CACNA2D1: variants seen among roughly 807,000 people sequenced by gnomAD.
CACNA2D1 encodes the protein voltage-dependent calcium channel subunit alpha-2/delta-1.
In CACNA2D1, 53 loss-of-function variants were observed where a neutral mutation model predicts 171.5. The ratio of observed to expected loss-of-function variants is 0.31; its 90% CI spans 0.25 to 0.39. The LOEUF (loss-of-function observed/expected upper bound fraction) is 0.39. Ranked by LOEUF, CACNA2D1 falls within the 10% of genes least tolerant of loss-of-function variation. The pLI, the probability that CACNA2D1 is intolerant of heterozygous loss-of-function variation, is 1.00. For missense variants in CACNA2D1, 903 were observed against 1,299.8 expected (o/e 0.69, Z 4.69); for synonymous variants, 442 against 443.1 (o/e 1.00, Z 0.03).
chr7:82,081,475 A>G (rs1809764887), intron 7 of CACNA2D1, among the ~76,000 whole-genome samples: 1 of 152,204 alleles, frequency 6.6e-6, no homozygotes, highest in Admixed American at 6.5e-5. Context: ...TAACAGATTC[A>G]CTAAACTAAA....
intron 11 of CACNA2D1, among the ~76,000 whole-genome samples, chr7:82,036,590 A>G (rs934441729): frequency 6.6e-6 from 1 of 152,134 alleles, no homozygotes; most frequent in Non-Finnish European, 1.5e-5. Context: ...AATATCCTGT[A>G]ATGGCACTTG....
At chr7:81,980,264 CTT>C (rs997555159) in intron 24 of CACNA2D1, among the ~76,000 whole-genome samples, 2 of 133,048 alleles carry the variant, frequency 1.5e-5, no homozygotes, top group African/African-American at 5.6e-5. Context: ...GGTAGGGAAA[CTT>C]TCCCTGACAG....
chr7:82,097,207 A>C (rs912801575), intron 6 of CACNA2D1, among the ~76,000 whole-genome samples: 7 of 152,186 alleles, frequency 4.6e-5, no homozygotes, highest in Non-Finnish European at 1.0e-4. Context: ...ATGGATGAGG[A>C]ATGTGGGGCA....
At chr7:82,194,693 G>T (rs1334861821) in intron 3 of CACNA2D1, among the ~76,000 whole-genome samples, 2 of 151,888 alleles carry the variant, frequency 1.3e-5, no homozygotes, top group Non-Finnish European at 1.5e-5. Context: ...CAGATTTGGG[G>T]AAAGGGCAGC....
At chr7:81,991,882 T>C (rs1441225060) in intron 20 of CACNA2D1, among the ~76,000 whole-genome samples, 2 of 151,796 alleles carry the variant, frequency 1.3e-5, no homozygotes, top group African/African-American at 4.8e-5. Flanking sequence ...TCACCCAGGC[T>C]GGAGTGCAGC....
At chr7:81,977,835 T>C (rs1394356810) in intron 24 of CACNA2D1, among the ~76,000 whole-genome samples, 1 of 152,114 alleles carries the variant, frequency 6.6e-6, no homozygotes, top group Non-Finnish European at 1.5e-5. Flanking sequence ...TTTTGCAATC[T>C]ATCCATCTGA....
At chr7:82,062,184 C>A (rs1256277033) in intron 9 of CACNA2D1, among the ~76,000 whole-genome samples, 1 of 152,070 alleles carries the variant, frequency 6.6e-6, no homozygotes, top group East Asian at 1.9e-4. Context: ...TGGCCCACAC[C>A]CAGGAATGAG....
intron 38 of CACNA2D1, among the ~76,000 whole-genome samples, chr7:81,951,974 T>TTTTTTGTTTGTTTGTTTG (rs1792611357): frequency 6.8e-6 from 1 of 147,632 alleles, no homozygotes; most frequent in African/African-American, 2.5e-5. Context: ...AAAGTGTTTT[T>TTTTTTGTTTGTTTGTTTG]TTTTTTTTTT....
chr7:82,185,522 A>AGGGGGGGGGGGG (rs1797627735), intron 3 of CACNA2D1, among the ~76,000 whole-genome samples: 1 of 13,788 alleles, frequency 7.3e-5, no homozygotes, highest in Non-Finnish European at 1.3e-4. Context: ...GAGGAGGGGG[A>AGGGGGGGGGGGG]GGAGGAGGAG....
chr7:82,326,119 G>A (rs192714668), intron 3 of CACNA2D1, among the ~76,000 whole-genome samples: 1 of 152,074 alleles, frequency 6.6e-6, no homozygotes, highest in Admixed American at 6.5e-5. Flanking sequence ...CTCTGAACTG[G>A]GATAATTAGG....
chr7:81,971,175 C>A, intron 26 of CACNA2D1: 1 of 201,368 alleles, frequency 5.0e-6, no homozygotes. Context: ...TAGAGAGCTT[C>A]ACCTGTATCT....
In CACNA2D1 at chr7:82,080,732, C is replaced by G. The variant is rs1323024574; in HGVS notation, c.658+4037G>C. Among the ~76,000 whole-genome samples, 3 of 152,162 alleles carry G rather than the reference C, an allele frequency of 2.0e-5. No individual in the cohort carries two copies. The East Asian group carries it at 5.8e-4, about 29-fold the overall frequency. On this transcript the variant is annotated intron_variant, in intron 7 of 38. Coordinates refer to ENST00000356860, the MANE Select transcript of CACNA2D1 (RefSeq NM_000722.4). ...CCATCAGCTACAATCCGTCTCCTGA[C>G]CAGTTTCACTACGTGGTGTTATTGC...
intron 3 of CACNA2D1, among the ~76,000 whole-genome samples, chr7:82,267,061 T>C (rs2129342623): frequency 6.6e-6 from 1 of 152,332 alleles, no homozygotes; most frequent in South Asian, 2.1e-4. Context: ...AGCACTTGCC[T>C]AGAAGTTTTC....
At chr7:81,955,881 C>CATAA (rs1230389863) in intron 38 of CACNA2D1, among the ~76,000 whole-genome samples, 1 of 99,020 alleles carries the variant, frequency 1.0e-5, no homozygotes, top group Non-Finnish European at 1.8e-5. Context: ...AGGAAAGTAC[C>CATAA]ATAATAGGAA....
chr7:82,069,573 AT>A (rs1452657643), intron 7 of CACNA2D1, among the ~76,000 whole-genome samples: 1 of 152,144 alleles, frequency 6.6e-6, no homozygotes, highest in Non-Finnish European at 1.5e-5. Context: ...GTGTTATCAA[AT>A]TGTTGATTTA....
At chr7:82,400,866 A>G (rs1826318215) in intron 1 of CACNA2D1, among the ~76,000 whole-genome samples, 1 of 151,976 alleles carries the variant, frequency 6.6e-6, no homozygotes, top group Non-Finnish European at 1.5e-5. Flanking sequence ...CAAGAAAAAA[A>G]CAAACAACCC....
At chr7:82,158,528 T>C (rs1794605570) in intron 4 of CACNA2D1, among the ~76,000 whole-genome samples, 1 of 151,956 alleles carries the variant, frequency 6.6e-6, no homozygotes, top group South Asian at 2.1e-4. Flanking sequence ...GTTATGTTTG[T>C]TTAGCTCACA....
chr7:82,401,292 A>T (rs1161291194), intron 1 of CACNA2D1, among the ~76,000 whole-genome samples: 9 of 151,852 alleles, frequency 5.9e-5, no homozygotes, highest in Non-Finnish European at 1.2e-4. Context: ...AATAGCAAAG[A>T]CTTGGAACCA....
chr7:82,295,668 T>G (rs1812181688), intron 3 of CACNA2D1, among the ~76,000 whole-genome samples: 1 of 151,904 alleles, frequency 6.6e-6, no homozygotes, highest in Non-Finnish European at 1.5e-5. Flanking sequence ...TGATTTATAG[T>G]GTATAAACAT....
Sources: allele counts gnomAD v4.1 joint callset (sites outside exome capture counted in the v4.1 genomes callset), GRCh38; gene constraint gnomAD v4.1.1; transcripts MANE v1.5; gene names NCBI Gene and HGNC (gene_info 2026-07-23, HGNC 2026-07-21).